Variants in WIPF2 observed in about 807,000 individuals in gnomAD.
WIPF2 encodes the protein WAS/WASL-interacting protein family member 2.
WIPF2 carries 23 observed loss-of-function variants against 38.8 expected under a neutral mutation model. The ratio of observed to expected loss-of-function variants is 0.59; its 90% CI spans 0.43 to 0.84. WIPF2 has a LOEUF of 0.84. Among genes scored for constraint, WIPF2 ranks in the 40% least tolerant of loss-of-function variants. WIPF2 has a pLI of 0.00. For synonymous variants in WIPF2, 210 were observed against 223.2 expected, an observed-to-expected ratio of 0.94 and a Z score of 0.53; for missense variants, 574 against 580.5, an observed-to-expected ratio of 0.99 and a Z score of 0.11.
At chr17:40,266,237 CAA>C (rs973061072) in intron 5 of WIPF2, among the ~76,000 whole-genome samples, 7 of 62,362 alleles carry the variant, frequency 1.1e-4, no homozygotes, top group African/African-American at 1.2e-4. Flanking sequence ...CAGTCCATCT[CAA>C]AAAAAAAAAA....
chr17:40,249,255 C>G (rs143777738), intron 1 of WIPF2, among the ~76,000 whole-genome samples: 2 of 152,084 alleles, frequency 1.3e-5, no homozygotes, highest in African/African-American at 4.8e-5. Context: ...TAGGATACCT[C>G]TTAGATAATT....
At chr17:40,268,516 T>G (rs1330931667) in intron 5 of WIPF2, among the ~76,000 whole-genome samples, 1 of 152,170 alleles carries the variant, frequency 6.6e-6, no homozygotes, top group Non-Finnish European at 1.5e-5. Context: ...TCTGCAGGCT[T>G]TCTTGCTTCC....
At chr17:40,251,397 C>T (rs1008581344) in intron 1 of WIPF2, among the ~76,000 whole-genome samples, 2 of 150,676 alleles carry the variant, frequency 1.3e-5, no homozygotes, top group Non-Finnish European at 2.9e-5. Flanking sequence ...ATTGGATTAG[C>T]GATTATAAGT....
At chr17:40,249,348 AG>A (rs1439173949) in intron 1 of WIPF2, among the ~76,000 whole-genome samples, 1 of 152,178 alleles carries the variant, frequency 6.6e-6, no homozygotes, top group Non-Finnish European at 1.5e-5. Flanking sequence ...CTTTGTACTA[AG>A]GAAGTCTCCT....
chr17:40,247,688 A>G (rs1180016416), intron 1 of WIPF2, among the ~76,000 whole-genome samples: 1 of 151,524 alleles, frequency 6.6e-6, no homozygotes, highest in Non-Finnish European at 1.5e-5. Context: ...TGCCTGGCTA[A>G]TTTTTGTATT....
intron 5 of WIPF2, among the ~76,000 whole-genome samples, 184 bp downstream of exon 5, chr17:40,265,330 C>T (rs192024557): frequency 2.2e-4 from 33 of 152,226 alleles, no homozygotes; most frequent in Non-Finnish European, 4.0e-4. Flanking sequence ...ATTTGACAGT[C>T]AAACTAGTAA....
chr17:40,223,336 G>A (rs994733014), intron 1 of WIPF2, among the ~76,000 whole-genome samples: 1 of 151,692 alleles, frequency 6.6e-6, no homozygotes, highest in Non-Finnish European at 1.5e-5. Context: ...ACAGGGTTTT[G>A]CCATGTTGGC....
At chr17:40,275,337 C>T (rs1196780481) in intron 6 of WIPF2, among the ~76,000 whole-genome samples, 1 of 151,604 alleles carries the variant, frequency 6.6e-6, no homozygotes, top group Non-Finnish European at 1.5e-5. Context: ...CACGTTACTT[C>T]TCTGGGCCTC....
intron 1 of WIPF2, among the ~76,000 whole-genome samples, chr17:40,255,626 A>G (rs1233306933): frequency 6.8e-6 from 1 of 147,630 alleles, no homozygotes; most frequent in African/African-American, 2.5e-5. Context: ...TGCCCGGCCT[A>G]AATTTTTTTT....
rs58914738 is a variant in WIPF2, at chr17:40,275,240, CAAAAAAA to C, written c.1180+1256_1180+1262del. ...TGGGTGACAGAGCAAGACTCCGTCT[CAAAAAAA>C]AAAAAAAAAAAAAACAAAACCCAAA... On this transcript the variant is annotated intron_variant, in intron 6 of 7. Transcript: ENST00000323571. Among the ~76,000 whole-genome samples the C allele has an allele frequency of 1.0e-4, 6 of 60,210 alleles. 1 individual carries two copies. Among genetic ancestry groups the C allele is most frequent in the Admixed American group, 8.7e-4 (5 of 5,752 alleles). The allele number at this position is 60,210 out of a possible 152,430, so 39.5% of individuals were successfully genotyped here.
chr17:40,234,458 A>C (rs549022673), intron 1 of WIPF2, among the ~76,000 whole-genome samples: 3 of 152,094 alleles, frequency 2.0e-5, no homozygotes, highest in African/African-American at 7.2e-5. Context: ...CAAACAAAAA[A>C]AACAACCGGA....
intron 1 of WIPF2, among the ~76,000 whole-genome samples, chr17:40,253,095 C>G (rs2031610393): frequency 6.8e-6 from 1 of 146,400 alleles, no homozygotes; most frequent in Admixed American, 6.9e-5. Context: ...TGGAGTCTCA[C>G]TCTGTCACCC....
At chr17:40,233,584 G>A (rs1268482975) in intron 1 of WIPF2, among the ~76,000 whole-genome samples, 1 of 151,902 alleles carries the variant, frequency 6.6e-6, no homozygotes, top group African/African-American at 2.4e-5. Context: ...TTAGTGGGGA[G>A]TACAGGTGTG....
chr17:40,278,796 C>T lies in WIPF2; in HGVS notation c.*571C>T, dbSNP rs1483971050. The T allele has an allele frequency of 1.3e-5, 2 of 152,188 alleles. No individual in the cohort carries two copies. Among genetic ancestry groups the T allele is most frequent in the Non-Finnish European group, 2.9e-5 (2 of 68,142 alleles). The allele number at this position is 152,188 out of a possible 1,614,324, so 9.4% of individuals were successfully genotyped here. A position where few individuals can be genotyped will look rare whatever the true frequency, so the allele number is the denominator to read the frequency against. On this transcript the variant is annotated 3_prime_UTR_variant, in exon 8 of 8. Transcript: ENST00000323571. ...TTTTTGGGGGTATTTTGTTTTTGTTCTCACCTGCTGCCCCCCCACCCCACC... is the reference window on the plus strand; with the variant it reads ...TTTTTGGGGGTATTTTGTTTTTGTTTTCACCTGCTGCCCCCCCACCCCACC...
At chr17:40,221,074 G>A (rs2030215194) in intron 1 of WIPF2, among the ~76,000 whole-genome samples, 2 of 152,028 alleles carry the variant, frequency 1.3e-5, no homozygotes, top group Non-Finnish European at 2.9e-5. Flanking sequence ...GAGCCCCTGC[G>A]CCTGTCCAGA....
rs2032040383 is a variant in WIPF2, at chr17:40,264,994, C to T, written c.818C>T (p.Ala273Val). Residue 273 changes from alanine (A) to valine (V), a missense_variant, in exon 5 of 8, where the codon GCC becomes GTC. By Grantham distance (64) the Ala-to-Val change is moderately conservative (BLOSUM62 0). Transcript: ENST00000323571. ...CCCTCTAGCCCCACTAATGAGTCAG[C>T]CCCTGAGCTGCCACAGAGACACAAT... ...NGPSSPTNESAPELPQRHNSL... is the reference protein window; with the variant it reads ...NGPSSPTNESVPELPQRHNSL... 6.2e-7 allele frequency: 1 copy of T among 1,614,142 alleles called. No individual in the cohort carries two copies. Among genetic ancestry groups the T allele is most frequent in the African/African-American group, 1.3e-5 (1 of 75,056 alleles).
chr17:40,241,128 A>C (rs537014013), intron 1 of WIPF2, among the ~76,000 whole-genome samples: 1 of 152,158 alleles, frequency 6.6e-6, no homozygotes, highest in Admixed American at 6.6e-5. Context: ...CCTTTAGCAT[A>C]GTGTTTTCTA....
chr17:40,257,742 CA>C (rs397857008), intron 2 of WIPF2, among the ~76,000 whole-genome samples: 9,301 of 89,922 alleles, frequency 0.1, 335 homozygotes, highest in Middle Eastern at 0.18. Flanking sequence ...GGCTCCATCT[CA>C]AAAAAAAAAA....
chr17:40,236,981 C>G (rs1169960834), intron 1 of WIPF2, among the ~76,000 whole-genome samples: 1 of 151,916 alleles, frequency 6.6e-6, no homozygotes, highest in Admixed American at 6.6e-5. Flanking sequence ...TGCCTTTATC[C>G]CTGACATTCT....
Sources: allele counts gnomAD v4.1 joint callset (sites outside exome capture counted in the v4.1 genomes callset), GRCh38; gene constraint gnomAD v4.1.1; transcripts MANE v1.5; gene names NCBI Gene and HGNC (gene_info 2026-07-23, HGNC 2026-07-21).